STYXL1: variants seen among roughly 807,000 people sequenced by gnomAD.
The protein encoded by STYXL1 is serine/threonine/tyrosine interacting like 1.
Under a neutral mutation model 36.4 loss-of-function variants are expected in STYXL1, and 32 were observed. The ratio of observed to expected loss-of-function variants is 0.88; its 90% CI spans 0.66 to 1.18. The LOEUF is 1.18. Ranked by LOEUF, STYXL1 falls within the 50% of genes most tolerant of loss-of-function variation. The probability of loss-of-function intolerance (pLI) is 0.00; values close to 1 mark genes in which losing one functional copy is unlikely to be tolerated. For synonymous variants in STYXL1, 133 were observed against 144.1 expected, an observed-to-expected ratio of 0.92 and a Z score of 0.55; for missense variants, 354 against 394.1, an observed-to-expected ratio of 0.90 and a Z score of 0.86.
intron 1 of STYXL1, among the ~76,000 whole-genome samples, chr7:76,032,771 C>G (rs1554579735): frequency 6.6e-6 from 1 of 152,046 alleles, no homozygotes; most frequent in African/African-American, 2.4e-5. Context: ...AGGTTCTCAC[C>G]TAGTTGGGGG....
At chr7:75,999,449 T>G (rs1554565544) in intron 8 of STYXL1, among the ~76,000 whole-genome samples, 1 of 151,722 alleles carries the variant, frequency 6.6e-6, no homozygotes, top group Non-Finnish European at 1.5e-5. Context: ...TTAATGCTCC[T>G]AAGCTATACA....
intron 2 of STYXL1, 52 bp from the exon 3 acceptor site, chr7:76,028,755 A>C: frequency 6.6e-7 from 1 of 1,510,436 alleles, no homozygotes; most frequent in Admixed American, 1.7e-5. Context: ...CATACGACCA[A>C]ACTACTCAGA....
chr7:76,029,196 G>C (rs1171627843), intron 2 of STYXL1, among the ~76,000 whole-genome samples: 1 of 152,102 alleles, frequency 6.6e-6, no homozygotes, highest in African/African-American at 2.4e-5. Flanking sequence ...ATCCAGGTTG[G>C]AGTGCAGTGG....
intron 5 of STYXL1, among the ~76,000 whole-genome samples, 195 bp downstream of exon 5, chr7:76,013,547 C>A (rs1792871164): frequency 1.3e-5 from 2 of 151,702 alleles, no homozygotes; most frequent in South Asian, 4.2e-4. Context: ...GCCTCAGCTT[C>A]CCTAGTAGCT....
intron 5 of STYXL1, among the ~76,000 whole-genome samples, chr7:76,006,427 C>T (rs1339337109): frequency 6.6e-6 from 1 of 152,004 alleles, no homozygotes; most frequent in Non-Finnish European, 1.5e-5. Flanking sequence ...AAGACACCTA[C>T]TTAAATGGGA....
intron 1 of STYXL1, among the ~76,000 whole-genome samples, chr7:76,033,623 A>G (rs1301599370): frequency 2.0e-5 from 3 of 152,142 alleles, no homozygotes; most frequent in Non-Finnish European, 2.9e-5. Context: ...CTTAAACCTC[A>G]GATCCTTCTC....
Position 76,028,686 on chromosome 7 carries a change from C to G in STYXL1, c.121G>C (p.Glu41Gln), listed in dbSNP as rs559838786. 1.2e-6 allele frequency: 2 copies of G among 1,614,130 alleles called. No homozygotes were observed. The highest frequency in any genetic ancestry group is 2.2e-5 in the South Asian group (2 of 91,076). Residue 41 changes from glutamate (E) to glutamine (Q), a missense_variant, in exon 3 of 9, where the codon GAG becomes CAG. Physicochemically the swap from Glu to Gln is conservative, Grantham distance 29. Transcript: ENST00000359697. ...GTGATCACATGGCTTTCGTCATACT[C>G]CCATTTGGAACGGACATCTGGAAAG... Reference protein sequence around the residue: ...LCLLDVRSKWEYDESHVITAL... With the variant: ...LCLLDVRSKWQYDESHVITAL...
At chr7:76,002,504 C>T (rs1301822160) in intron 7 of STYXL1, among the ~76,000 whole-genome samples, 1 of 152,138 alleles carries the variant, frequency 6.6e-6, no homozygotes, top group East Asian at 1.9e-4. Flanking sequence ...TCAGTGCTAC[C>T]CAGGGAGGCA....
chr7:76,012,200 G>C (rs1792641188), intron 5 of STYXL1, among the ~76,000 whole-genome samples: 1 of 152,128 alleles, frequency 6.6e-6, no homozygotes, highest in South Asian at 2.1e-4. Flanking sequence ...TTGAACTCCT[G>C]AGATCAAGCA....
At chr7:76,024,462 T>TA (rs1487678642) in intron 3 of STYXL1, among the ~76,000 whole-genome samples, 6 of 151,552 alleles carry the variant, frequency 4.0e-5, no homozygotes, top group Non-Finnish European at 8.8e-5. Flanking sequence ...CTACAAAAAA[T>TA]ACAAGTTAGC....
intron 5 of STYXL1, among the ~76,000 whole-genome samples, chr7:76,006,783 C>A (rs1283699683): frequency 1.5e-5 from 2 of 137,156 alleles, no homozygotes; most frequent in East Asian, 2.1e-4. Context: ...AAAAAAAAAA[C>A]AAAACAACAA....
intron 1 of STYXL1, among the ~76,000 whole-genome samples, chr7:76,047,078 G>A (rs981980322): frequency 8.5e-6 from 1 of 117,086 alleles, no homozygotes; most frequent in Non-Finnish European, 1.8e-5. Context: ...TGACCAACGT[G>A]GTGAAACCCC....
chr7:76,005,278 A>T lies in STYXL1; in HGVS notation c.580T>A (p.Ser194Thr). The change falls in exon 6 of 9, where the codon TCC becomes ACC. Residue 194 changes from serine to threonine, a missense_variant. Coordinates refer to ENST00000359697, the MANE Select transcript of STYXL1 (RefSeq NM_001317785.2). The stretch of plus-strand genomic sequence containing the variant: ...ACTTACAAGGGCCCTGTATCCATGG[A>T]GACATTGACATGGGCTTTGATTTTC... ...DLKIKAHVNV[S>T]MDTGPFFAGD... 6.2e-7 allele frequency: 1 copy of T among 1,606,066 alleles called. No homozygotes were observed. The highest frequency in any genetic ancestry group is 8.5e-7 in the Non-Finnish European group (1 of 1,174,246).
intron 4 of STYXL1, among the ~76,000 whole-genome samples, chr7:76,016,645 C>T (rs782266604): frequency 2.3e-4 from 35 of 152,228 alleles, no homozygotes; most frequent in Middle Eastern, 3.4e-3. Context: ...TGCTTGACAT[C>T]ACTAATCATC....
At chr7:76,019,291 T>C (rs1793762552) in intron 4 of STYXL1, among the ~76,000 whole-genome samples, 1 of 151,920 alleles carries the variant, frequency 6.6e-6, no homozygotes, top group Non-Finnish European at 1.5e-5. Context: ...TCTTTTTTTT[T>C]TTTTTTTAAA....
chr7:76,023,809 T>C (rs1794359467), intron 3 of STYXL1, among the ~76,000 whole-genome samples: 1 of 151,932 alleles, frequency 6.6e-6, no homozygotes, highest in Admixed American at 6.6e-5. Context: ...TGAGGTCAGT[T>C]CGAGATCAGC....
In STYXL1 at chr7:76,001,007, A is replaced by C; in HGVS notation, c.698-5T>G. ...AGCCAAGGTGATGGTGAATTTCTGC[A>C]AAAAGAAGTGGGGGGTTGGGTCATG... is the stretch of plus-strand genomic sequence containing the variant. On this transcript the variant is annotated splice_polypyrimidine_tract_variant and splice_region_variant and intron_variant, in intron 7 of 8. Transcript: ENST00000359697. 6.2e-7 allele frequency: 1 copy of C among 1,611,786 alleles called. No individual in the cohort carries two copies. The highest frequency in any genetic ancestry group is 8.5e-7 in the Non-Finnish European group (1 of 1,177,856).
intron 1 of STYXL1, among the ~76,000 whole-genome samples, chr7:76,031,027 G>A (rs1382715889): frequency 2.0e-5 from 3 of 151,806 alleles, no homozygotes; most frequent in African/African-American, 4.8e-5. Flanking sequence ...CAGGCATGGT[G>A]GTGCACATCT....
intron 8 of STYXL1, chr7:76,000,344 A>G (rs572314508): frequency 6.5e-5 from 29 of 447,160 alleles, no homozygotes; most frequent in Admixed American, 3.6e-4. Flanking sequence ...CCTTCCCCCA[A>G]AAACATCCCT....
Sources: gnomAD v4.1 joint callset for allele counts (sites outside exome capture counted in the v4.1 genomes callset) on GRCh38, gnomAD v4.1.1 for gene constraint, MANE v1.5 for transcripts, NCBI Gene and HGNC (gene_info 2026-07-23, HGNC 2026-07-21) for gene names.